TOMT: variants seen among roughly 807,000 people sequenced by gnomAD.
TOMT encodes the protein transmembrane O-methyltransferase.
In TOMT, 23 loss-of-function variants were observed where a neutral mutation model predicts 21.7. The ratio of observed to expected loss-of-function variants is 1.06; its 90% confidence interval spans 0.76 to 1.50. The LOEUF is 1.50. Among genes scored for constraint, TOMT ranks in the 40% most tolerant of loss-of-function variants. The pLI, the probability that TOMT is intolerant of heterozygous loss-of-function variation, is 0.00. For missense variants in TOMT, 331 were observed against 348.7 expected, an observed-to-expected ratio of 0.95 and a Z score of 0.41; for synonymous variants, 132 against 150.8, an observed-to-expected ratio of 0.88 and a Z score of 0.91.
chr11:72,108,029 T>A, exon 2 of TOMT: 1 of 1,551,490 alleles, frequency 6.4e-7, no homozygotes, highest in Non-Finnish European at 8.7e-7. Context: ...CCCTGCCCCC[T>A]GGGGGTCGCC....
chr11:72,107,737 G>T (rs1945828838), intron 1 of TOMT, 186 bp from the exon 2 acceptor site: 4 of 635,216 alleles, frequency 6.3e-6, no homozygotes, highest in South Asian at 3.8e-5. Flanking sequence ...AGATTCCAGG[G>T]CTGGTGTGAA....
At chr11:72,108,759 G>A in exon 3 of TOMT, 1 of 1,550,424 alleles carries the variant, frequency 6.4e-7, no homozygotes, top group South Asian at 1.2e-5. Context: ...CTGCCAGCAG[G>A]TGCCACCGTG....
intron 2 of TOMT, 102 bp from the exon 3 acceptor site, chr11:72,108,503 G>A: frequency 9.6e-7 from 1 of 1,041,588 alleles, no homozygotes; most frequent in Non-Finnish European, 1.3e-6. Context: ...CTCATGGGAA[G>A]CTAAGCCAGG....
At chr11:72,107,502 T>G (rs376490919) in intron 1 of TOMT, 1 of 702,840 alleles carries the variant, frequency 1.4e-6, no homozygotes, top group Admixed American at 2.0e-5. Flanking sequence ...CAGCCACATA[T>G]ACACATGTGG....
At chr11:72,108,418 T>C (rs1398862261) in intron 2 of TOMT, among the ~76,000 whole-genome samples, 187 bp from the exon 3 acceptor site, 1 of 152,236 alleles carries the variant, frequency 6.6e-6, no homozygotes, top group Admixed American at 6.5e-5. Flanking sequence ...CTCTGAACCT[T>C]AGCTTCTTCA....
exon 3 of TOMT, chr11:72,108,972 C>G: frequency 7.0e-7 from 1 of 1,432,888 alleles, no homozygotes; most frequent in East Asian, 2.5e-5. Context: ...CACCCCCACC[C>G]AAGCAGGGAC....
At position 72,108,102 on chromosome 11, in the gene TOMT, G is replaced by A. The variant is rs529549122; in HGVS notation, c.439G>A (p.Gly147Ser). 32 of 1,523,286 alleles carry A rather than the reference G, an allele frequency of 2.1e-5. No homozygotes were observed. Among genetic ancestry groups the A allele is most frequent in the Middle Eastern group, 1.7e-4 (1 of 5,830 alleles). The allele number at this position is 1,523,286 out of a possible 1,614,324, so 94.4% of individuals were successfully genotyped here. Residue 147 changes from glycine to serine, a missense_variant, in exon 2 of 3, where the codon GGC becomes AGC. Coordinates refer to ENST00000541899, the Ensembl canonical transcript of TOMT. ...GGCTGAAAAACTCATCCGCCTGGCC[G>A]GCTTTGATGAGCACATGGTCAGCCT...
exon 3 of TOMT, chr11:72,108,840 G>A (rs963049398): frequency 1.2e-5 from 18 of 1,550,488 alleles, no homozygotes; most frequent in East Asian, 7.3e-5. Context: ...GGCCGCTACC[G>A]CTGCCGCCTC....
chr11:72,108,724 G>A lies in TOMT; in HGVS notation c.576G>A (p.Leu192=). ...GGCCACGATGTTACCTGAGGGACCT[G>A]CAGCTGCTGGAGGCCCATGCCCTAC... The change falls in exon 3 of 3, where the codon CTG becomes CTA. Residue 192 remains leucine (L), a synonymous_variant. Transcript: ENST00000541899. 1.9e-6 allele frequency: 3 copies of A among 1,550,148 alleles called. No homozygotes were observed. Among genetic ancestry groups the A allele is most frequent in the Non-Finnish European group, 1.7e-6 (2 of 1,146,716 alleles).
At chr11:72,107,966 T>C (rs1190807005) in exon 2 of TOMT, 2 of 1,551,594 alleles carry the variant, frequency 1.3e-6, no homozygotes, top group Admixed American at 2.0e-5. Flanking sequence ...CCCCTGCTTG[T>C]GTGCTGGAAT....
rs748365454 is a variant in TOMT at position 72,108,557 on chromosome 11, G to C, written c.457-48G>C. ...CAGATCCTGGTGGGGTCTTGACTGG[G>C]AGAACAATTCCCCCCACCCTCACCT... On this transcript the variant is annotated intron_variant, in intron 2 of 2. Coordinates refer to ENST00000541899, the Ensembl canonical transcript of TOMT. 4.4e-5 allele frequency: 63 copies of C among 1,420,466 alleles called. No individual in the cohort carries two copies. In the East Asian group the frequency reaches 1.5e-3, roughly 34 times the overall value. The allele number at this position is 1,420,466 out of a possible 1,614,324, so 88.0% of individuals were successfully genotyped here.
chr11:72,108,164 C>T, intron 2 of TOMT, 45 bp downstream of exon 2: 1 of 1,445,688 alleles, frequency 6.9e-7, no homozygotes, highest in Non-Finnish European at 9.2e-7. Flanking sequence ...CACCCCAGGC[C>T]TTGCCCCCAG....
exon 2 of TOMT, chr11:72,108,072 G>A: frequency 2.6e-6 from 4 of 1,541,014 alleles, no homozygotes; most frequent in Non-Finnish European, 3.5e-6. Context: ...ACGCACGGCA[G>A]CAGTGGCTGA....
At chr11:72,109,239 G>C in exon 3 of TOMT, 1 of 468,734 alleles carries the variant, frequency 2.1e-6, no homozygotes, top group Non-Finnish European at 4.1e-6. Flanking sequence ...CTTGCTCTGA[G>C]ATTTAATCTT....
intron 1 of TOMT, 75 bp from the exon 2 acceptor site, chr11:72,107,848 G>A: frequency 6.7e-7 from 1 of 1,496,008 alleles, no homozygotes; most frequent in Non-Finnish European, 9.1e-7. Flanking sequence ...AGGCAGGTAG[G>A]CATTTGAGAT....
chr11:72,108,766 C>T (rs1334471592), exon 3 of TOMT: 5 of 1,550,298 alleles, frequency 3.2e-6, no homozygotes, highest in African/African-American at 2.7e-5. Flanking sequence ...CAGGTGCCAC[C>T]GTGCTGGCTG....
chr11:72,107,892 T>G, intron 1 of TOMT, 31 bp from the exon 2 acceptor site: 2 of 1,551,068 alleles, frequency 1.3e-6, no homozygotes, highest in Non-Finnish European at 1.7e-6. Context: ...CCATCTCCCA[T>G]GTCTTCTGCA....
exon 3 of TOMT, chr11:72,108,952 T>C (rs1946033316): frequency 6.8e-7 from 1 of 1,477,312 alleles, no homozygotes. Flanking sequence ...TACTTACTGA[T>C]GCCCACCCCC....
At position 72,108,804 on chromosome 11, in the gene TOMT, G is replaced by A. The variant is rs754759504; in HGVS notation, c.656G>A (p.Arg219His). 15 of 1,550,382 alleles carry A rather than the reference G, an allele frequency of 9.7e-6. No individual in the cohort carries two copies. Among genetic ancestry groups the A allele is most frequent in the South Asian group, 3.6e-5 (3 of 84,064 alleles). The change falls in exon 3 of 3, where the codon CGC becomes CAC. Residue 219 changes from arginine to histidine, a missense_variant. Arg to His is a conservative substitution (Grantham distance 29). Coordinates refer to ENST00000541899, the Ensembl canonical transcript of TOMT. ...CATGTGCTCTTCCCTGGTGCACCCC[G>A]CTTCTTGCAGTATGCTAAGAGCTGT...
Sources: gnomAD v4.1 joint callset for allele counts (sites outside exome capture counted in the v4.1 genomes callset) on GRCh38, gnomAD v4.1.1 for gene constraint, MANE v1.5 for transcripts, NCBI Gene and HGNC (gene_info 2026-07-23, HGNC 2026-07-21) for gene names.